GOLM1: variants seen among roughly 807,000 people sequenced by gnomAD.
GOLM1 encodes golgi membrane protein 1, also known as epididymis luminal protein 46.
A neutral mutation model predicts 50.5 loss-of-function variants in GOLM1; 31 were observed. The ratio of observed to expected loss-of-function variants is 0.61; its 90% CI spans 0.46 to 0.83. The LOEUF is 0.83. Among genes scored for constraint, GOLM1 ranks in the 40% least tolerant of loss-of-function variants. The pLI is 0.00. For missense variants in GOLM1, 491 were observed against 501.3 expected (o/e 0.98, Z 0.20); for synonymous variants, 178 against 192.8 (o/e 0.92, Z 0.64).
At chr9:86,078,290 G>GT (rs1834678131) in intron 2 of GOLM1, among the ~76,000 whole-genome samples, 1 of 152,204 alleles carries the variant, frequency 6.6e-6, no homozygotes, top group African/African-American at 2.4e-5. Context: ...CATTAAAATG[G>GT]TAAGAAAGAC....
At position 86,035,580 on chromosome 9, in the gene GOLM1, T is replaced by A; in HGVS notation, c.803A>T (p.Asp268Val). The A allele has an allele frequency of 1.2e-6, 2 of 1,605,892 alleles. No homozygotes were observed. The highest frequency in any genetic ancestry group is 8.5e-7 in the Non-Finnish European group (1 of 1,179,012). Residue 268 changes from aspartate to valine, a missense_variant, in exon 8 of 10, where the codon GAC (aspartate) becomes GTC (valine). Transcript: ENST00000388712. Reference sequence around the variant, plus strand: ...CCGGCCTGGCTCCTGCGGCAGCCTGTCCCTCTGAGGCTCCTCATTCACCAC... The same window carrying A: ...CCGGCCTGGCTCCTGCGGCAGCCTGACCCTCTGAGGCTCCTCATTCACCAC... ...IQVVNEEPQR[D>V]RLPQEPGREQ...
chr9:86,089,127 GCT>G (rs1835092028), intron 1 of GOLM1, among the ~76,000 whole-genome samples: 1 of 152,188 alleles, frequency 6.6e-6, no homozygotes, highest in South Asian at 2.1e-4. Context: ...AGAGAGATCT[GCT>G]GTTAGTCTGA....
At chr9:86,057,579 C>G (rs1200735351) in intron 3 of GOLM1, among the ~76,000 whole-genome samples, 3 of 152,220 alleles carry the variant, frequency 2.0e-5, no homozygotes, top group African/African-American at 7.2e-5. Context: ...TCACATGCTG[C>G]CTTCGGTTCC....
At chr9:86,081,218 C>T (rs1834774022) in intron 1 of GOLM1, among the ~76,000 whole-genome samples, 2 of 137,164 alleles carry the variant, frequency 1.5e-5, no homozygotes. Context: ...TTTTTTGAGA[C>T]GGAGTTTCGC....
chr9:86,092,136 A>G (rs6559903), intron 1 of GOLM1, among the ~76,000 whole-genome samples: 36,737 of 152,132 alleles, frequency 0.24, 7,541 homozygotes, highest in African/African-American at 0.54. Context: ...CTGTCTGTGC[A>G]TCACTGTCCT....
intron 3 of GOLM1, among the ~76,000 whole-genome samples, chr9:86,055,965 G>A (rs1451494598): frequency 7.4e-6 from 1 of 135,232 alleles, no homozygotes; most frequent in South Asian, 2.3e-4. Context: ...AGTGAAAACC[G>A]AACAGTAAAA....
chr9:86,083,655 T>C (rs1185930921), intron 1 of GOLM1, among the ~76,000 whole-genome samples: 1 of 152,236 alleles, frequency 6.6e-6, no homozygotes, highest in East Asian at 1.9e-4. Context: ...CCCAAAGTGC[T>C]GGGATTATGG....
chr9:86,100,105 T>C (rs548306970), upstream of GOLM1: 1 of 152,358 alleles, frequency 6.6e-6, no homozygotes, highest in East Asian at 1.9e-4. Context: ...GCCTTAGTGT[T>C]TGGTCTGTGA....
intron 7 of GOLM1, among the ~76,000 whole-genome samples, chr9:86,036,068 G>T (rs1354811471): frequency 6.6e-6 from 1 of 151,980 alleles, no homozygotes; most frequent in Non-Finnish European, 1.5e-5. Flanking sequence ...GGGCTCAGCC[G>T]CCTCCCCCGA....
intron 4 of GOLM1, among the ~76,000 whole-genome samples, chr9:86,049,932 CCT>C (rs1833683634): frequency 1.3e-5 from 2 of 152,166 alleles, no homozygotes; most frequent in South Asian, 4.1e-4. Flanking sequence ...ACAGGGCATC[CCT>C]GTCTTGTGCC....
At chr9:86,033,174 A>G (rs1833034349) in intron 9 of GOLM1, 108 bp downstream of exon 9, 1 of 674,658 alleles carries the variant, frequency 1.5e-6, no homozygotes, top group African/African-American at 1.8e-5. Flanking sequence ...CCTTGAAATG[A>G]CCCATTAATT....
chr9:86,031,949 A>AAAAAC (rs1832999886), intron 9 of GOLM1, among the ~76,000 whole-genome samples: 1 of 150,686 alleles, frequency 6.6e-6, no homozygotes, highest in Non-Finnish European at 1.5e-5. Context: ...AAAAAAAAAA[A>AAAAAC]AGACGCCAGA....
chr9:86,088,586 T>G (rs1455823837), intron 1 of GOLM1, among the ~76,000 whole-genome samples: 10 of 137,086 alleles, frequency 7.3e-5, no homozygotes, highest in South Asian at 2.2e-4. Flanking sequence ...TTTTTTTTTT[T>G]TTGTTTTGTT....
At chr9:86,085,294 T>C (rs990864907) in intron 1 of GOLM1, among the ~76,000 whole-genome samples, 8 of 152,296 alleles carry the variant, frequency 5.3e-5, no homozygotes, top group Admixed American at 1.3e-4. Flanking sequence ...TGCCTTTTCA[T>C]ATTTTTTGCC....
intron 3 of GOLM1, among the ~76,000 whole-genome samples, chr9:86,067,162 T>G (rs1036725490): frequency 1.3e-5 from 2 of 152,216 alleles, no homozygotes; most frequent in Admixed American, 6.5e-5. Context: ...TGACCTCAAG[T>G]GATCCACCGG....
intron 9 of GOLM1, among the ~76,000 whole-genome samples, chr9:86,032,022 G>C (rs1421948577): frequency 6.6e-6 from 1 of 150,740 alleles, no homozygotes; most frequent in East Asian, 2.0e-4. Context: ...CCGAGGGCTT[G>C]AGCCAGGACC....
intron 3 of GOLM1, among the ~76,000 whole-genome samples, chr9:86,068,035 A>G (rs111824672): frequency 6.6e-6 from 1 of 151,482 alleles, no homozygotes; most frequent in Non-Finnish European, 1.5e-5. Context: ...AAATAAATTT[A>G]AAAAAAAAGA....
At chr9:86,077,327 T>C in intron 3 of GOLM1, 85 bp downstream of exon 3, 1 of 1,092,974 alleles carries the variant, frequency 9.1e-7, no homozygotes, top group Non-Finnish European at 1.4e-6. Context: ...ACCCAGCCGC[T>C]TGCTCATCCT....
chr9:86,033,207 T>C (rs192977347), intron 9 of GOLM1, 75 bp downstream of exon 9: 60 of 829,184 alleles, frequency 7.2e-5, no homozygotes, highest in Middle Eastern at 4.5e-4. Flanking sequence ...TGGGGATTCA[T>C]TGGATAATCA....
Sources: allele counts gnomAD v4.1 joint callset (sites outside exome capture counted in the v4.1 genomes callset), GRCh38; gene constraint gnomAD v4.1.1; transcripts MANE v1.5; gene names NCBI Gene and HGNC (gene_info 2026-07-23, HGNC 2026-07-21).